NXPE4: variants seen among roughly 807,000 people sequenced by gnomAD.
NXPE4 encodes neurexophilin and PC-esterase domain family member 4.
A neutral mutation model predicts 33.3 loss-of-function variants in NXPE4; 42 were observed. The observed-to-expected ratio is 1.26, with a 90% CI of 0.98 to 1.63. The LOEUF is 1.63. Among genes scored for constraint, NXPE4 ranks in the 40% most tolerant of loss-of-function variants. The probability of loss-of-function intolerance (pLI) is 0.00; values close to 1 mark genes in which losing one functional copy is unlikely to be tolerated. For missense variants in NXPE4, 709 were observed against 647.6 expected, an observed-to-expected ratio of 1.09 and a Z score of -1.03; for synonymous variants, 253 against 234.9, an observed-to-expected ratio of 1.08 and a Z score of -0.71.
chr11:114,576,151 T>C (rs11215065), intron 5 of NXPE4, among the ~76,000 whole-genome samples: 2,583 of 152,094 alleles, frequency 0.017, 57 homozygotes, highest in African/African-American at 0.056. Flanking sequence ...AAGCCACATA[T>C]AAAAGAATGA....
At chr11:114,643,156 G>A in the NXPE4 span, among the ~76,000 whole-genome samples, 1 of 151,882 alleles carries the variant, frequency 6.6e-6, no homozygotes, top group Non-Finnish European at 1.5e-5. Context: ...CTGGATATTA[G>A]CCCTTTGTCA....
At chr11:114,573,726 T>C (rs1948939865) in intron 5 of NXPE4, among the ~76,000 whole-genome samples, 3 of 151,742 alleles carry the variant, frequency 2.0e-5, no homozygotes, top group South Asian at 2.1e-4. Flanking sequence ...ACATTACTAA[T>C]AGACCAAAAA....
chr11:114,576,480 C>A (rs1948996435), intron 5 of NXPE4, among the ~76,000 whole-genome samples: 1 of 151,670 alleles, frequency 6.6e-6, no homozygotes, highest in South Asian at 2.1e-4. Flanking sequence ...CCAGAATCTA[C>A]AAAGAACTCA....
At chr11:114,650,702 G>T in the NXPE4 span, among the ~76,000 whole-genome samples, 3 of 152,142 alleles carry the variant, frequency 2.0e-5, no homozygotes, top group Admixed American at 1.3e-4. Context: ...ATCATAAGTA[G>T]GGCAGGCAAC....
chr11:114,591,407 G>T (rs774007051), intron 2 of NXPE4, among the ~76,000 whole-genome samples: 6 of 152,138 alleles, frequency 3.9e-5, no homozygotes, highest in Non-Finnish European at 5.9e-5. Flanking sequence ...TTCCTTCCAT[G>T]AGAGGTAGCA....
the NXPE4 span, among the ~76,000 whole-genome samples, chr11:114,639,722 A>G: frequency 3.9e-5 from 5 of 128,474 alleles, no homozygotes; most frequent in South Asian, 9.4e-4. Flanking sequence ...TATATAATAT[A>G]GTAATATAAT....
In NXPE4 at chr11:114,582,764, G is replaced by A. The variant is rs200121976; in HGVS notation, c.354C>T (p.His118=). The A allele has an allele frequency of 8.2e-5, 133 of 1,614,188 alleles. No homozygotes were observed. The Middle Eastern group carries it at 2.3e-3, about 28-fold the overall frequency. ...RDTYCRGDQL[H]ILLEVRDHLG... The stretch of plus-strand genomic sequence containing the variant: ...AGTGGTCCCTCACCTCCAGCAGGAT[G>A]TGCAGCTGGTCTCCCCTGCAGTACG... Residue 118 remains histidine, a synonymous_variant, in exon 3 of 6, where the codon CAC becomes CAT. Transcript: ENST00000375478.
At chr11:114,643,053 G>A in the NXPE4 span, among the ~76,000 whole-genome samples, 1 of 152,088 alleles carries the variant, frequency 6.6e-6, no homozygotes, top group African/African-American at 2.4e-5. Flanking sequence ...CTGCATAAAT[G>A]TCTTCTTTTG....
At chr11:114,583,634 C>A in intron 2 of NXPE4, 1 of 590,794 alleles carries the variant, frequency 1.7e-6, no homozygotes, top group Non-Finnish European at 3.4e-6. Context: ...TAATGAGCAG[C>A]AGATGGACAC....
At chr11:114,651,537 A>C in the NXPE4 span, among the ~76,000 whole-genome samples, 2 of 152,226 alleles carry the variant, frequency 1.3e-5, no homozygotes, top group Non-Finnish European at 2.9e-5. Flanking sequence ...GAATCCGAAA[A>C]GATTGCCACT....
upstream of NXPE4, among the ~76,000 whole-genome samples, chr11:114,599,381 CTCTTATATTCTTGTCT>C (rs571886069): frequency 6.6e-6 from 1 of 152,292 alleles, no homozygotes; most frequent in East Asian, 1.9e-4. Context: ...TCCAAAGTTT[CTCTTATATTCTTGTCT>C]TCTTCTGGGC....
At chr11:114,632,692 A>G in the NXPE4 span, among the ~76,000 whole-genome samples, 1 of 77,290 alleles carries the variant, frequency 1.3e-5, no homozygotes, top group African/African-American at 5.2e-5. Flanking sequence ...ATATAAATTT[A>G]TATATTTATA....
chr11:114,621,012 C>T, the NXPE4 span, among the ~76,000 whole-genome samples: 947 of 152,144 alleles, frequency 6.2e-3, 11 homozygotes, highest in Middle Eastern at 0.014. Context: ...GGTGTTGTCT[C>T]GTGGTTGACC....
the NXPE4 span, among the ~76,000 whole-genome samples, chr11:114,638,503 G>T: frequency 2.0e-4 from 31 of 151,968 alleles, no homozygotes; most frequent in Non-Finnish European, 8.8e-5. Context: ...TTCCATTGCT[G>T]GTGAGGAACT....
rs757113573 is a variant in NXPE4 at position 114,571,034 on chromosome 11, G to A, written c.1539C>T (p.Ala513=). ...TGCCATATGCAATTGTTATATCCCA[G>A]GCATCAATGATACTCACACTGAGAT... ...FQDLSVSIID[A]WDITIAYGTN... Residue 513 remains alanine (A), a synonymous_variant, in exon 6 of 6, where the codon GCC becomes GCT. Coordinates refer to ENST00000375478, the MANE Select transcript of NXPE4 (RefSeq NM_001077639.2). 1.2e-5 allele frequency: 20 copies of A among 1,613,274 alleles called. No individual in the cohort carries two copies. In the South Asian group the frequency reaches 2.2e-4, roughly 18 times the overall value.
At chr11:114,611,168 G>C in the NXPE4 span, among the ~76,000 whole-genome samples, 1 of 151,562 alleles carries the variant, frequency 6.6e-6, no homozygotes, top group Non-Finnish European at 1.5e-5. Flanking sequence ...AATAAGGACT[G>C]TCTCATGGGT....
At chr11:114,615,565 G>T in the NXPE4 span, among the ~76,000 whole-genome samples, 1 of 151,806 alleles carries the variant, frequency 6.6e-6, no homozygotes, top group Non-Finnish European at 1.5e-5. Context: ...TGCTTCGTGG[G>T]TAACCACCTT....
chr11:114,592,328 G>T (rs952791599), intron 2 of NXPE4, among the ~76,000 whole-genome samples: 1 of 152,046 alleles, frequency 6.6e-6, no homozygotes, highest in African/African-American at 2.4e-5. Context: ...CAGTAAAGTT[G>T]CAGGATACAA....
intron 2 of NXPE4, among the ~76,000 whole-genome samples, chr11:114,587,237 TCAG>T (rs1949324366): frequency 6.6e-6 from 1 of 152,186 alleles, no homozygotes; most frequent in Non-Finnish European, 1.5e-5. Flanking sequence ...CATGGTCCCA[TCAG>T]CAGGAAAACA....
Sources: allele counts gnomAD v4.1 joint callset (sites outside exome capture counted in the v4.1 genomes callset), GRCh38; gene constraint gnomAD v4.1.1; transcripts MANE v1.5; gene names NCBI Gene and HGNC (gene_info 2026-07-23, HGNC 2026-07-21).